Variants in GRIA4 observed in about 807,000 individuals in gnomAD.
GRIA4 encodes glutamate ionotropic receptor AMPA type subunit 4.
A neutral mutation model predicts 104.0 loss-of-function variants in GRIA4; 34 were observed. The ratio of observed to expected loss-of-function variants is 0.33; its 90% CI spans 0.25 to 0.44. The LOEUF (loss-of-function observed/expected upper bound fraction) is 0.44. Among genes scored for constraint, GRIA4 ranks in the 20% least tolerant of loss-of-function variants. GRIA4 has a pLI of 1.00. For missense variants in GRIA4, 750 were observed against 1,096.5 expected, an observed-to-expected ratio of 0.68 and a Z score of 4.46; for synonymous variants, 386 against 381.9, an observed-to-expected ratio of 1.01 and a Z score of -0.13.
rs202196228 is a variant in GRIA4, at chr11:105,862,208, G to A, written c.672G>A (p.Gln224=). Residue 224 remains glutamine (Q), a splice_region_variant and synonymous_variant, in exon 5 of 17, where the codon CAG becomes CAA. Transcript: ENST00000282499. ...AGAGACTTCAAAACATATTAGAACA[G>A]GTAAGTCCTAGATTTTATATTTTTA... The part of the protein sequence containing the change: ...EIERLQNILE[Q]IVSVGKHVKG... The A allele has an allele frequency of 2.6e-6, 4 of 1,537,096 alleles. No individual in the cohort carries two copies. In the East Asian group the frequency reaches 6.8e-5, roughly 26 times the overall value.
At chr11:105,855,765 A>C (rs1296946480) in intron 4 of GRIA4, among the ~76,000 whole-genome samples, 1 of 152,158 alleles carries the variant, frequency 6.6e-6, no homozygotes, top group Non-Finnish European at 1.5e-5. Flanking sequence ...GGGAATATTC[A>C]AAATCTACAG....
chr11:105,760,589 G>C (rs1277897385), intron 4 of GRIA4, among the ~76,000 whole-genome samples: 3 of 152,028 alleles, frequency 2.0e-5, no homozygotes, highest in Admixed American at 2.0e-4. Flanking sequence ...CTGTTTTCTG[G>C]ATGAGTTTGC....
At chr11:105,670,190 G>T (rs1370862335) in intron 3 of GRIA4, among the ~76,000 whole-genome samples, 3 of 152,242 alleles carry the variant, frequency 2.0e-5, no homozygotes, top group Admixed American at 1.3e-4. Context: ...ATCTTAAGAT[G>T]TATTGTGCCT....
At chr11:105,873,087 C>A (rs1945677040) in intron 5 of GRIA4, among the ~76,000 whole-genome samples, 1 of 152,108 alleles carries the variant, frequency 6.6e-6, no homozygotes, top group African/African-American at 2.4e-5. Flanking sequence ...CCCCCACTCC[C>A]TGACAGGCCC....
chr11:105,960,444 G>C (rs948971316), intron 14 of GRIA4, among the ~76,000 whole-genome samples: 7 of 152,192 alleles, frequency 4.6e-5, no homozygotes, highest in African/African-American at 1.7e-4. Flanking sequence ...CTTGGGAGTG[G>C]GCTGTGGGGA....
chr11:105,769,554 G>A (rs575141418), intron 4 of GRIA4, among the ~76,000 whole-genome samples: 91 of 152,184 alleles, frequency 6.0e-4, no homozygotes, highest in African/African-American at 2.1e-3. Context: ...CTTGAGAACA[G>A]ATAATGTCAG....
chr11:105,730,502 T>G (rs575490728), intron 3 of GRIA4, among the ~76,000 whole-genome samples: 132 of 152,326 alleles, frequency 8.7e-4, no homozygotes, highest in Middle Eastern at 3.4e-3. Context: ...ACCCTTGACT[T>G]TCCTCAAAGA....
At chr11:105,807,750 G>T in intron 4 of GRIA4, among the ~76,000 whole-genome samples, 1 of 150,662 alleles carries the variant, frequency 6.6e-6, no homozygotes, top group East Asian at 2.0e-4. Context: ...CAAATTCTTG[G>T]GTTTATCTCT....
At chr11:105,974,619 C>CT in intron 16 of GRIA4, 175 bp downstream of exon 16, 1 of 1,515,972 alleles carries the variant, frequency 6.6e-7, no homozygotes, top group South Asian at 1.2e-5. Flanking sequence ...GTGTTGTGAC[C>CT]TGTCTGTCCA....
intron 3 of GRIA4, among the ~76,000 whole-genome samples, chr11:105,702,495 C>A (rs1953532789): frequency 6.6e-6 from 1 of 151,366 alleles, no homozygotes; most frequent in Non-Finnish European, 1.5e-5. Context: ...TAGGAAATAT[C>A]TACAACCAAT....
chr11:105,764,339 C>T (rs1206742332), intron 4 of GRIA4, among the ~76,000 whole-genome samples: 2 of 152,052 alleles, frequency 1.3e-5, no homozygotes, highest in African/African-American at 2.4e-5. Flanking sequence ...CAGGGTTTCA[C>T]CATGTTGGCC....
rs1380710795 is a variant in GRIA4 at position 105,825,005 on chromosome 11, T to C, written c.488-37019T>C. On this transcript the variant is annotated intron_variant, in intron 4 of 16. Coordinates refer to ENST00000282499, the MANE Select transcript of GRIA4 (RefSeq NM_000829.4). Reference sequence around the variant, plus strand: ...CTCCATTGTTAGTCACTGAGGTCAGTGAACGACTCAGACACTTCAATCAAC... The same window carrying C: ...CTCCATTGTTAGTCACTGAGGTCAGCGAACGACTCAGACACTTCAATCAAC... 2.6e-5 allele frequency among the ~76,000 whole-genome samples: 4 copies of C among 152,048 alleles called. No individual in the cohort carries two copies. In the East Asian group the frequency reaches 5.8e-4, roughly 22 times the overall value.
intron 9 of GRIA4, among the ~76,000 whole-genome samples, chr11:105,906,784 T>C (rs1378952281): frequency 2.0e-5 from 3 of 152,020 alleles, no homozygotes; most frequent in Non-Finnish European, 4.4e-5. Context: ...GGGAAGGAGA[T>C]GTTAAGAACA....
At chr11:105,630,226 A>G (rs890419567) in intron 3 of GRIA4, among the ~76,000 whole-genome samples, 4 of 152,206 alleles carry the variant, frequency 2.6e-5, no homozygotes, top group Non-Finnish European at 5.9e-5. Flanking sequence ...GTAAATTCCT[A>G]GTGCTTGACT....
intron 6 of GRIA4, among the ~76,000 whole-genome samples, chr11:105,895,209 G>A (rs1946607001): frequency 1.3e-5 from 2 of 151,196 alleles, no homozygotes; most frequent in Admixed American, 1.3e-4. Context: ...TAAATACTAA[G>A]AGAAAACAAA....
chr11:105,646,977 T>G (rs1383485564), intron 3 of GRIA4, among the ~76,000 whole-genome samples: 2 of 152,104 alleles, frequency 1.3e-5, no homozygotes, highest in African/African-American at 4.8e-5. Flanking sequence ...ATGAAGGAGC[T>G]TCTGCACAGA....
intron 11 of GRIA4, 130 bp downstream of exon 11, chr11:105,919,048 G>A: frequency 1.7e-6 from 1 of 599,180 alleles, no homozygotes; most frequent in Non-Finnish European, 3.0e-6. Flanking sequence ...CACATACAGT[G>A]TTTAAATCTT....
intron 4 of GRIA4, among the ~76,000 whole-genome samples, chr11:105,754,322 G>A (rs1437269215): frequency 6.6e-6 from 1 of 152,228 alleles, no homozygotes; most frequent in Non-Finnish European, 1.5e-5. Context: ...AGGTTCAGTT[G>A]TAACATAAAT....
intron 3 of GRIA4, among the ~76,000 whole-genome samples, chr11:105,747,753 A>G (rs1048451445): frequency 6.6e-6 from 1 of 152,226 alleles, no homozygotes; most frequent in African/African-American, 2.4e-5. Flanking sequence ...CCCTTATTTT[A>G]TAATTTCACT....
Sources: allele counts gnomAD v4.1 joint callset (sites outside exome capture counted in the v4.1 genomes callset), GRCh38; gene constraint gnomAD v4.1.1; transcripts MANE v1.5; gene names NCBI Gene and HGNC (gene_info 2026-07-23, HGNC 2026-07-21).